The following EYS variants were observed in gnomAD, a reference collection of about 807,000 sequenced individuals.
EYS encodes the protein protein eyes shut homolog.
A neutral mutation model predicts 282.1 loss-of-function variants in EYS; 250 were observed. The observed-to-expected ratio is 0.89, with a 90% CI of 0.80 to 0.98. The LOEUF (loss-of-function observed/expected upper bound fraction) is 0.98. Among genes scored for constraint, EYS ranks in the 50% least tolerant of loss-of-function variants. EYS has a pLI of 0.00. For synonymous variants in EYS, 1,355 were observed against 1,282.9 expected (o/e 1.06, Z -1.20); for missense variants, 4,016 against 3,709.0 (o/e 1.08, Z -2.15).
intron 1 of EYS, among the ~76,000 whole-genome samples, chr6:65,677,130 A>G (rs2149836147): frequency 6.7e-6 from 1 of 149,374 alleles, no homozygotes; most frequent in Non-Finnish European, 1.5e-5. Flanking sequence ...AAAAAAAAGA[A>G]AGAAAGCTTT....
At chr6:65,086,832 GT>G (rs1035375298) in intron 12 of EYS, among the ~76,000 whole-genome samples, 202 of 144,702 alleles carry the variant, frequency 1.4e-3, no homozygotes, top group Admixed American at 1.5e-3. Context: ...GTATATGTGG[GT>G]TTTTTTTTTT....
chr6:65,353,665 TTTTC>T, intron 8 of EYS, 48 bp from the exon 9 acceptor site: 1 of 1,514,844 alleles, frequency 6.6e-7, no homozygotes, highest in Non-Finnish European at 9.1e-7. Flanking sequence ...TTTGATATAT[TTTTC>T]AATATATACA....
chr6:65,088,734 C>T (rs1004730950), intron 12 of EYS, among the ~76,000 whole-genome samples: 3 of 152,140 alleles, frequency 2.0e-5, no homozygotes, highest in African/African-American at 7.2e-5. Flanking sequence ...AATGGGGTAA[C>T]GTCTCCAGGG....
intron 35 of EYS, among the ~76,000 whole-genome samples, chr6:63,968,079 A>AT (rs139158798): frequency 0.033 from 5,071 of 152,144 alleles, 243 homozygotes; most frequent in African/African-American, 0.11. Flanking sequence ...CACATTATGA[A>AT]TTTTTTCTGC....
At position 64,663,175 on chromosome 6, in the gene EYS, T is replaced by G. The variant is rs182957930; in HGVS notation, c.3444-36930A>C. ...TTACTAGTTATCTTGATAACAATTT[T>G]GCTAAAAATTCAAAATCCACTGACA... On this transcript the variant is annotated intron_variant, in intron 22 of 42. Transcript: ENST00000503581. 5.3e-5 allele frequency among the ~76,000 whole-genome samples: 8 copies of G among 152,332 alleles called. No individual in the cohort carries two copies. The East Asian group carries it at 1.5e-3, about 29-fold the overall frequency.
chr6:64,386,612 G>A (rs183227245), intron 29 of EYS, among the ~76,000 whole-genome samples: 32 of 152,190 alleles, frequency 2.1e-4, no homozygotes, highest in African/African-American at 7.2e-4. Flanking sequence ...CAACTCAAAT[G>A]CAATGATAAA....
rs1409551322 is a variant in EYS at position 65,443,239 on chromosome 6, T to C, written c.863-37872A>G. Among the ~76,000 whole-genome samples, 6 of 151,024 alleles carry C rather than the reference T, an allele frequency of 4.0e-5. 2 individuals are homozygous for C. The highest frequency in any genetic ancestry group is 5.9e-5 in the Non-Finnish European group (4 of 67,488). On this transcript the variant is annotated intron_variant, in intron 5 of 42. Transcript: ENST00000503581. ...TCATATACACATGTATGTGAACATA[T>C]AGACATATGTGTATACATATATGCA...
At position 65,633,941 on chromosome 6, in the gene EYS, A is replaced by G. The variant is rs140205638; in HGVS notation, c.-333+5837T>C. On this transcript the variant is annotated intron_variant, in intron 2 of 42. Coordinates refer to ENST00000503581, the MANE Select transcript of EYS (RefSeq NM_001142800.2). ...TCAGTGCTCTTCGGCCTTTGCCTTGAATGTGTGCTGACCCCTGCTAGAGAA... is the reference window on the plus strand; with the variant it reads ...TCAGTGCTCTTCGGCCTTTGCCTTGGATGTGTGCTGACCCCTGCTAGAGAA... Among the ~76,000 whole-genome samples the G allele has an allele frequency of 6.7e-4, 102 of 152,356 alleles. 1 individual carries two copies. The highest frequency in any genetic ancestry group is 2.2e-3 in the African/African-American group (93 of 41,574).
At chr6:63,910,335 T>C (rs16894654) in intron 35 of EYS, among the ~76,000 whole-genome samples, 61,487 of 151,934 alleles carry the variant, frequency 0.4, 13,002 homozygotes, top group African/African-American at 0.52. Context: ...GATAAAGAAC[T>C]TTCAGACTGA....
At chr6:64,296,598 A>ATT (rs1173183488) in intron 30 of EYS, among the ~76,000 whole-genome samples, 36 of 20,066 alleles carry the variant, frequency 1.8e-3, no homozygotes, top group Non-Finnish European at 2.6e-3. Context: ...ATATATATAT[A>ATT]TTTTTTTTTT....
At chr6:63,727,737 A>AAAAAATATATATATATATATATAT (rs1554164607) in intron 41 of EYS, among the ~76,000 whole-genome samples, 5 of 36,722 alleles carry the variant, frequency 1.4e-4, no homozygotes, top group Admixed American at 4.0e-4. Flanking sequence ...AAAAAAAAAA[A>AAAAAATATATATATATATATATAT]ATATATATAT....
chr6:65,443,322 A>G (rs563930041), intron 5 of EYS, among the ~76,000 whole-genome samples: 1,630 of 98,330 alleles, frequency 0.017, 277 homozygotes, highest in Admixed American at 0.036. Context: ...ATATAGACAT[A>G]TATGCATACA....
chr6:64,894,080 TC>T (rs1161806085), intron 18 of EYS, among the ~76,000 whole-genome samples: 1 of 152,152 alleles, frequency 6.6e-6, no homozygotes, highest in African/African-American at 2.4e-5. Context: ...TTTCAGTCAA[TC>T]ATACATTTTA....
rs569887945 is a variant in EYS, at chr6:64,638,539, T to C, written c.3444-12294A>G. 6.5e-5 allele frequency among the ~76,000 whole-genome samples: 6 copies of C among 91,862 alleles called. 2 individuals are homozygous for C. Among genetic ancestry groups the C allele is most frequent in the African/African-American group, 2.5e-4 (6 of 24,236 alleles). The allele number at this position is 91,862 out of a possible 152,430, so 60.3% of individuals were successfully genotyped here. ...AGTTCAGTCCATCTTTCATTTTCTT[T>C]TAATTTTTAACATGTGTCTTTTTCA... On this transcript the variant is annotated intron_variant, in intron 22 of 42. Transcript: ENST00000503581.
chr6:64,928,920 T>C (rs1178456720), intron 15 of EYS, among the ~76,000 whole-genome samples: 1 of 152,136 alleles, frequency 6.6e-6, no homozygotes, highest in Non-Finnish European at 1.5e-5. Context: ...TATGTATGGC[T>C]ATGCTAAATT....
At chr6:64,618,538 T>C (rs1224681281) in intron 23 of EYS, among the ~76,000 whole-genome samples, 1 of 152,196 alleles carries the variant, frequency 6.6e-6, no homozygotes, top group African/African-American at 2.4e-5. Context: ...AATTTAATTA[T>C]TGTTTATACT....
intron 19 of EYS, among the ~76,000 whole-genome samples, chr6:64,883,744 A>G (rs950013242): frequency 1.3e-5 from 2 of 151,572 alleles, no homozygotes; most frequent in Non-Finnish European, 1.5e-5. Flanking sequence ...ACTGATTTAT[A>G]TCTTTTGCAA....
At chr6:64,224,410 A>G (rs1006570810) in intron 31 of EYS, among the ~76,000 whole-genome samples, 1 of 151,830 alleles carries the variant, frequency 6.6e-6, no homozygotes, top group African/African-American at 2.4e-5. Flanking sequence ...AAACCATTCT[A>G]ATGTTTTATA....
intron 5 of EYS, among the ~76,000 whole-genome samples, chr6:65,410,332 T>C (rs1766933585): frequency 6.6e-6 from 1 of 152,138 alleles, no homozygotes; most frequent in Non-Finnish European, 1.5e-5. Context: ...CCATGTGGTA[T>C]AATGATCCAA....
Sources: allele counts gnomAD v4.1 joint callset (sites outside exome capture counted in the v4.1 genomes callset), GRCh38; gene constraint gnomAD v4.1.1; transcripts MANE v1.5; gene names NCBI Gene and HGNC (gene_info 2026-07-23, HGNC 2026-07-21).